EPHB1: variants seen among roughly 807,000 people sequenced by gnomAD.
EPHB1 encodes ephrin type-B receptor 1.
In EPHB1, 30 loss-of-function variants were observed where a neutral mutation model predicts 94.4. The observed-to-expected ratio is 0.32, with a 90% CI of 0.24 to 0.43. The LOEUF (loss-of-function observed/expected upper bound fraction) is 0.43, where lower values mean the gene tolerates loss of function less well. Among genes scored for constraint, EPHB1 ranks in the 20% least tolerant of loss-of-function variants. EPHB1 has a pLI of 1.00. For synonymous variants in EPHB1, 522 were observed against 489.1 expected, an observed-to-expected ratio of 1.07 and a Z score of -0.89; for missense variants, 1,055 against 1,308.3, an observed-to-expected ratio of 0.81 and a Z score of 2.99.
intron 3 of EPHB1, among the ~76,000 whole-genome samples, chr3:135,035,384 G>A (rs1009533954): frequency 3.9e-5 from 6 of 152,218 alleles, no homozygotes; most frequent in African/African-American, 1.4e-4. Flanking sequence ...CTTCCACAGA[G>A]GGAGAAGGTA....
intron 1 of EPHB1, among the ~76,000 whole-genome samples, chr3:134,840,948 C>A (rs187478166): frequency 6.6e-6 from 1 of 152,208 alleles, no homozygotes; most frequent in Non-Finnish European, 1.5e-5. Context: ...CAGTCTCCAG[C>A]CGGTCACTTA....
intron 11 of EPHB1, among the ~76,000 whole-genome samples, chr3:135,194,266 C>A (rs1419278741): frequency 6.6e-6 from 1 of 152,114 alleles, no homozygotes; most frequent in Non-Finnish European, 1.5e-5. Context: ...TATAACCTGC[C>A]ATCAATGTAG....
intron 3 of EPHB1, among the ~76,000 whole-genome samples, chr3:135,102,274 C>T (rs879750901): frequency 7.6e-4 from 116 of 152,320 alleles, no homozygotes; most frequent in Admixed American, 6.3e-3. Flanking sequence ...CCACTCTGCA[C>T]TGTGTGACTC....
chr3:134,936,126 G>C (rs1183065560), intron 2 of EPHB1, among the ~76,000 whole-genome samples: 2 of 152,188 alleles, frequency 1.3e-5, no homozygotes, highest in African/African-American at 4.8e-5. Context: ...TGAGAAACCA[G>C]AGAATGGAGC....
rs2107713103 is a variant in EPHB1 at position 135,201,616 on chromosome 3, G to A, written c.2273G>A (p.Cys758Tyr). 1 of 1,614,048 alleles carries A rather than the reference G, an allele frequency of 6.2e-7. No individual in the cohort carries two copies. The highest frequency in any genetic ancestry group is 8.5e-7 in the Non-Finnish European group (1 of 1,179,992). Residue 758 changes from cysteine (C) to tyrosine (Y), a missense_variant, in exon 12 of 16, where the codon TGC (cysteine) becomes TAC (tyrosine). Cys to Tyr is a radical substitution (Grantham distance 194). Coordinates refer to ENST00000398015, the MANE Select transcript of EPHB1 (RefSeq NM_004441.5). ...RNILVNSNLV[C>Y]KVSDFGLSRY... ...ATTCTGGTCAACAGTAACCTGGTGT[G>A]CAAGGTGTCCGACTTTGGCCTCTCC...
In EPHB1 at chr3:135,038,008, G is replaced by A. The variant is rs1189774632; in HGVS notation, c.806-68440G>A. Among the ~76,000 whole-genome samples the A allele has an allele frequency of 3.3e-5, 5 of 152,286 alleles. No homozygotes were observed. The South Asian group carries it at 1.0e-3, about 32-fold the overall frequency. ...CAGATCTCCCAACCTAAGAGCCGCA[G>A]GAACATGTGGGCTTATCACAGAGCT... On this transcript the variant is annotated intron_variant, in intron 3 of 15. Coordinates refer to ENST00000398015, the MANE Select transcript of EPHB1 (RefSeq NM_004441.5).
At chr3:134,809,635 G>A (rs1007985375) in intron 1 of EPHB1, among the ~76,000 whole-genome samples, 32 of 152,256 alleles carry the variant, frequency 2.1e-4, no homozygotes, top group African/African-American at 7.0e-4. Flanking sequence ...GGGCTACATC[G>A]CCCTCTTTTA....
chr3:134,995,252 C>T (rs186040296), intron 3 of EPHB1, among the ~76,000 whole-genome samples: 97 of 152,024 alleles, frequency 6.4e-4, no homozygotes, highest in Non-Finnish European at 7.8e-4. Context: ...CAGGGATGGG[C>T]TTTTTTTTCA....
At chr3:134,841,576 A>G (rs2108296669) in intron 1 of EPHB1, 1 of 152,318 alleles carries the variant, frequency 6.6e-6, no homozygotes, top group South Asian at 2.1e-4. Flanking sequence ...TCACTGATGT[A>G]TTTGATTTAA....
intron 1 of EPHB1, among the ~76,000 whole-genome samples, chr3:134,840,699 T>C (rs1043447063): frequency 6.6e-6 from 1 of 152,210 alleles, no homozygotes; most frequent in Non-Finnish European, 1.5e-5. Context: ...CCTAATAAAA[T>C]GTATTTTATG....
chr3:134,914,251 A>C (rs945586872), intron 1 of EPHB1, among the ~76,000 whole-genome samples: 1 of 152,226 alleles, frequency 6.6e-6, no homozygotes, highest in African/African-American at 2.4e-5. Context: ...TACTCCCCAC[A>C]TCAGGACAAA....
chr3:134,826,201 G>A (rs1163415263), intron 1 of EPHB1, among the ~76,000 whole-genome samples: 2 of 146,504 alleles, frequency 1.4e-5, no homozygotes, highest in Non-Finnish European at 3.0e-5. Flanking sequence ...GCAGTGAGCT[G>A]AGATTGTGCC....
At chr3:135,147,666 G>A (rs929790751) in intron 5 of EPHB1, among the ~76,000 whole-genome samples, 2 of 152,202 alleles carry the variant, frequency 1.3e-5, no homozygotes, top group African/African-American at 2.4e-5. Flanking sequence ...GAGTTATTGT[G>A]TTGGGGAGGC....
intron 3 of EPHB1, among the ~76,000 whole-genome samples, chr3:135,020,716 C>T (rs924970933): frequency 1.3e-5 from 2 of 152,084 alleles, no homozygotes; most frequent in Non-Finnish European, 2.9e-5. Flanking sequence ...GTTAGGTGTC[C>T]TCTAGTTAAA....
intron 3 of EPHB1, among the ~76,000 whole-genome samples, chr3:135,052,860 CAAAAAAAAAAAAAAA>C (rs1193207059): frequency 8.3e-5 from 1 of 12,096 alleles, no homozygotes; most frequent in Non-Finnish European, 1.2e-4. Flanking sequence ...GACTCCGTCT[CAAAAAAAAAAAAAAA>C]AAAAAAAAAA....
Position 134,795,444 on chromosome 3 carries a change from C to A in EPHB1, c.-188C>A. The stretch of plus-strand genomic sequence containing the variant: ...ACATGCACACCCACACCCACGCGCG[C>A]CCGCACCGCCCCACGCGCACACACT... On this transcript the variant is annotated 5_prime_UTR_variant, in exon 1 of 16. Transcript: ENST00000398015. 1 of 581,128 alleles carries A rather than the reference C, an allele frequency of 1.7e-6. No individual in the cohort carries two copies. Among genetic ancestry groups the A allele is most frequent in the East Asian group, 3.2e-5 (1 of 31,152 alleles). 36.0% of individuals were successfully genotyped at this position (581,128 alleles called of 1,614,324 possible).
At chr3:135,096,868 G>T (rs142335569) in intron 3 of EPHB1, among the ~76,000 whole-genome samples, 3,294 of 152,220 alleles carry the variant, frequency 0.022, 66 homozygotes, top group South Asian at 0.037. Flanking sequence ...GAGGCCAAGG[G>T]GGGCGGATCA....
chr3:135,209,975 G>T (rs915967408), intron 12 of EPHB1, among the ~76,000 whole-genome samples: 1 of 152,172 alleles, frequency 6.6e-6, no homozygotes, highest in African/African-American at 2.4e-5. Flanking sequence ...GAAAGTGACA[G>T]ATGGCGGAGG....
chr3:135,042,170 G>A (rs970380671), intron 3 of EPHB1, among the ~76,000 whole-genome samples: 1 of 152,144 alleles, frequency 6.6e-6, no homozygotes, highest in African/African-American at 2.4e-5. Flanking sequence ...GGACTCAAAT[G>A]ATCCAACTGC....
Sources: gnomAD v4.1 joint callset for allele counts (sites outside exome capture counted in the v4.1 genomes callset) on GRCh38, gnomAD v4.1.1 for gene constraint, MANE v1.5 for transcripts, NCBI Gene and HGNC (gene_info 2026-07-23, HGNC 2026-07-21) for gene names.